EDEM3: variants seen among roughly 807,000 people sequenced by gnomAD.
EDEM3 encodes ER degradation-enhancing alpha-mannosidase-like protein 3.
A neutral mutation model predicts 110.2 loss-of-function variants in EDEM3; 60 were observed. The observed-to-expected ratio is 0.54, with a 90% CI of 0.44 to 0.67. The LOEUF (loss-of-function observed/expected upper bound fraction) is 0.67. Among genes scored for constraint, EDEM3 ranks in the 30% least tolerant of loss-of-function variants. EDEM3 has a pLI of 0.00. For synonymous variants in EDEM3, 352 were observed against 382.9 expected, an observed-to-expected ratio of 0.92 and a Z score of 0.94; for missense variants, 996 against 1,121.0, an observed-to-expected ratio of 0.89 and a Z score of 1.59.
At chr1:184,701,459 C>A in intron 19 of EDEM3, 1 of 1,202,650 alleles carries the variant, frequency 8.3e-7, no homozygotes, top group Non-Finnish European at 1.1e-6. Flanking sequence ...TACATATATA[C>A]GTATATAATT....
intron 7 of EDEM3, among the ~76,000 whole-genome samples, chr1:184,724,791 A>G (rs1376832017): frequency 6.6e-6 from 1 of 152,218 alleles, no homozygotes; most frequent in Non-Finnish European, 1.5e-5. Flanking sequence ...GTCTTATTTT[A>G]CAGCTAAGAA....
At position 184,690,605 on chromosome 1, in the gene EDEM3, C is replaced by T. The variant is rs1278318620; in HGVS notation, c.*3458G>A. The T allele has an allele frequency of 6.6e-6, 1 of 152,564 alleles. No individual in the cohort carries two copies. The highest frequency in any genetic ancestry group is 1.5e-5 in the Non-Finnish European group (1 of 68,010). 9.5% of individuals were successfully genotyped at this position (152,564 alleles called of 1,614,324 possible). A position where few individuals can be genotyped will look rare whatever the true frequency, so the allele number is the denominator to read the frequency against. ...ACATTTTGCCCAGACTTTTACATCACAGTACATAGTTTCCCTTAGAAATAT... is the reference window on the plus strand; with the variant it reads ...ACATTTTGCCCAGACTTTTACATCATAGTACATAGTTTCCCTTAGAAATAT... On this transcript the variant is annotated 3_prime_UTR_variant, in exon 20 of 20. Coordinates refer to ENST00000318130, the MANE Select transcript of EDEM3 (RefSeq NM_025191.4).
Position 184,710,562 on chromosome 1 carries a change from T to C in EDEM3, c.1692-15A>G. The C allele has an allele frequency of 1.3e-6, 2 of 1,590,184 alleles. No individual in the cohort carries two copies. The highest frequency in any genetic ancestry group is 1.7e-6 in the Non-Finnish European group (2 of 1,168,476). On this transcript the variant is annotated splice_polypyrimidine_tract_variant and intron_variant, in intron 15 of 19. Transcript: ENST00000318130. ...AACTCTCCTCTCTGCTAAAAGTAATTACAGGCAAGGCTTAAAAAACTATAA... is the reference window on the plus strand; with the variant it reads ...AACTCTCCTCTCTGCTAAAAGTAATCACAGGCAAGGCTTAAAAAACTATAA...
Position 184,708,285 on chromosome 1 carries a change from C to T in EDEM3, c.1905G>A (p.Leu635=). Residue 635 remains leucine (L), a synonymous_variant, in exon 17 of 20, where the codon TTG becomes TTA. Transcript: ENST00000318130. ...GCTGTTCTTTTTGTTGCTGACTTGA[C>T]AATTCAATCATCTCCTGCATGAACC... ...GLRFMQEMIE[L]SSQQQKEQQL... 6.2e-7 allele frequency: 1 copy of T among 1,613,368 alleles called. No individual in the cohort carries two copies. The highest frequency in any genetic ancestry group is 1.1e-5 in the South Asian group (1 of 90,886).
chr1:184,727,670 ACT>A (rs1016002627), intron 6 of EDEM3, among the ~76,000 whole-genome samples: 1 of 152,168 alleles, frequency 6.6e-6, no homozygotes, highest in Non-Finnish European at 1.5e-5. Context: ...GGATTTGATC[ACT>A]GTTAATGTTG....
chr1:184,739,003 T>C (rs946584694), intron 2 of EDEM3, among the ~76,000 whole-genome samples: 1 of 151,992 alleles, frequency 6.6e-6, no homozygotes, highest in Non-Finnish European at 1.5e-5. Flanking sequence ...CTGGAATCTA[T>C]TTTCATTTAT....
At chr1:184,752,323 G>T (rs916007396) in intron 1 of EDEM3, among the ~76,000 whole-genome samples, 21 of 152,054 alleles carry the variant, frequency 1.4e-4, no homozygotes, top group African/African-American at 4.6e-4. Flanking sequence ...GGAGGGAAAG[G>T]GGTGGGGCAT....
intron 14 of EDEM3, 46 bp downstream of exon 14, chr1:184,712,387 A>T (rs909202919): frequency 6.6e-7 from 1 of 1,511,512 alleles, no homozygotes; most frequent in Non-Finnish European, 8.9e-7. Flanking sequence ...AAAATAAAAC[A>T]TGTAGAAATA....
chr1:184,725,745 C>T (rs1651156678), intron 7 of EDEM3, among the ~76,000 whole-genome samples: 1 of 151,862 alleles, frequency 6.6e-6, no homozygotes, highest in Non-Finnish European at 1.5e-5. Flanking sequence ...AGAGACATAG[C>T]TAGCCCACAA....
intron 19 of EDEM3, among the ~76,000 whole-genome samples, chr1:184,695,345 C>A (rs1240417866): frequency 6.6e-6 from 1 of 151,774 alleles, no homozygotes; most frequent in African/African-American, 2.4e-5. Context: ...GTCTTATAGT[C>A]CAACGGGAGA....
At chr1:184,722,436 T>A (rs1384623859) in intron 8 of EDEM3, among the ~76,000 whole-genome samples, 2 of 151,996 alleles carry the variant, frequency 1.3e-5, no homozygotes, top group Admixed American at 6.5e-5. Flanking sequence ...CAGACAGTTA[T>A]AAGCAGTGAA....
intron 5 of EDEM3, among the ~76,000 whole-genome samples, chr1:184,734,194 C>G (rs576706094): frequency 1.0e-4 from 15 of 146,162 alleles, no homozygotes; most frequent in Admixed American, 2.8e-4. Context: ...ATAGACTGGG[C>G]GTGGTGGCTC....
chr1:184,701,266 C>G (rs1649604757), intron 19 of EDEM3, among the ~76,000 whole-genome samples: 1 of 151,924 alleles, frequency 6.6e-6, no homozygotes, highest in Non-Finnish European at 1.5e-5. Flanking sequence ...TAGAGTGACT[C>G]TTGTATGGAC....
At chr1:184,728,677 T>C (rs1651328414) in intron 6 of EDEM3, among the ~76,000 whole-genome samples, 1 of 152,014 alleles carries the variant, frequency 6.6e-6, no homozygotes, top group African/African-American at 2.4e-5. Context: ...TGGCACGATC[T>C]TGGCTCACCG....
chr1:184,709,360 T>C (rs1372223450), intron 16 of EDEM3, among the ~76,000 whole-genome samples: 1 of 152,136 alleles, frequency 6.6e-6, no homozygotes, highest in Non-Finnish European at 1.5e-5. Context: ...GCTAAGCTTG[T>C]AGAAATAGGT....
chr1:184,707,773 T>G (rs1290987585), intron 17 of EDEM3, among the ~76,000 whole-genome samples: 1 of 152,216 alleles, frequency 6.6e-6, no homozygotes, highest in African/African-American at 2.4e-5. Context: ...TCCAGTCACT[T>G]GAGCCAGAGC....
chr1:184,726,009 T>A (rs573120020), intron 7 of EDEM3, among the ~76,000 whole-genome samples: 1 of 152,208 alleles, frequency 6.6e-6, no homozygotes, highest in East Asian at 1.9e-4. Flanking sequence ...GCTAAAAAAA[T>A]TTCTAAGACT....
chr1:184,706,598 A>G, intron 18 of EDEM3, 45 bp downstream of exon 18: 1 of 1,440,544 alleles, frequency 6.9e-7, no homozygotes, highest in Non-Finnish European at 9.2e-7. Context: ...AATCCTAAAA[A>G]TTATCTCCCC....
At position 184,706,646 on chromosome 1, in the gene EDEM3, T is replaced by C; in HGVS notation, c.2200A>G (p.Ile734Val). The C allele has an allele frequency of 6.2e-7, 1 of 1,610,256 alleles. No individual in the cohort carries two copies. Among genetic ancestry groups the C allele is most frequent in the Non-Finnish European group, 8.5e-7 (1 of 1,177,218 alleles). The part of the protein sequence containing the change: ...QNAGAIGGIV[I>V]DDNEGSSSDT... ...AATGACATGGATGATTACTTACCAATAACAATGCCACCAATGGCTCCAGCA... is the reference window on the plus strand; with the variant it reads ...AATGACATGGATGATTACTTACCAACAACAATGCCACCAATGGCTCCAGCA... The change falls in exon 18 of 20, where the codon ATT becomes GTT. Residue 734 changes from isoleucine (I) to valine (V), a missense_variant. By Grantham distance (29) the Ile-to-Val change is conservative. Coordinates refer to ENST00000318130, the MANE Select transcript of EDEM3 (RefSeq NM_025191.4).
Sources: allele counts gnomAD v4.1 joint callset (sites outside exome capture counted in the v4.1 genomes callset), GRCh38; gene constraint gnomAD v4.1.1; transcripts MANE v1.5; gene names NCBI Gene and HGNC (gene_info 2026-07-23, HGNC 2026-07-21).